UNK: variants seen among roughly 807,000 people sequenced by gnomAD.
The protein encoded by UNK is unk zinc finger, also known as RING finger protein unkempt homolog.
A neutral mutation model predicts 97.6 loss-of-function variants in UNK; 32 were observed. The observed-to-expected ratio is 0.33, with a 90% CI of 0.25 to 0.44. The LOEUF (loss-of-function observed/expected upper bound fraction) is 0.44, where lower values mean the gene tolerates loss of function less well. UNK is among the 20% of genes least tolerant of loss of function. The pLI is 1.00. For missense variants in UNK, 771 were observed against 1,098.4 expected, an observed-to-expected ratio of 0.70 and a Z score of 4.21; for synonymous variants, 441 against 461.2, an observed-to-expected ratio of 0.96 and a Z score of 0.56.
At chr17:75,789,782 C>T (rs774013506) in intron 1 of UNK, among the ~76,000 whole-genome samples, 4 of 152,152 alleles carry the variant, frequency 2.6e-5, no homozygotes, top group South Asian at 2.1e-4. Context: ...GCAATCACGT[C>T]TCAAAATGTA....
rs186391079 is a variant in UNK at position 75,800,308 on chromosome 17, C to T, written c.105-9452C>T. On this transcript the variant is annotated intron_variant, in intron 1 of 15. Coordinates refer to ENST00000589666, the MANE Select transcript of UNK (RefSeq NM_001080419.3). ...CTGGTCTCCAATTCCTGAGCTCAAG[C>T]GATCCACCCGCCTTGGCCTCTCAGA... is the stretch of plus-strand genomic sequence containing the variant. Among the ~76,000 whole-genome samples, 272 of 152,090 alleles carry T rather than the reference C, an allele frequency of 1.8e-3. 1 individual carries two copies. The highest frequency in any genetic ancestry group is 3.3e-3 in the Admixed American group (50 of 15,284).
chr17:75,787,649 C>A (rs994212707), intron 1 of UNK, among the ~76,000 whole-genome samples: 1 of 151,820 alleles, frequency 6.6e-6, no homozygotes, highest in Non-Finnish European at 1.5e-5. Context: ...AACATGGAAA[C>A]CCCGTCTCTA....
chr17:75,808,151 G>A (rs535705786), intron 1 of UNK, among the ~76,000 whole-genome samples: 7 of 152,284 alleles, frequency 4.6e-5, no homozygotes, highest in African/African-American at 1.7e-4. Flanking sequence ...GGAAGAGGAT[G>A]TACCTCCCAG....
chr17:75,812,609 G>A lies in UNK; in HGVS notation c.622+24G>A, dbSNP rs367767177. The A allele has an allele frequency of 3.5e-5, 57 of 1,607,652 alleles. No individual in the cohort carries two copies. The African/African-American group carries it at 3.9e-4, about 11-fold the overall frequency. On this transcript the variant is annotated intron_variant, in intron 4 of 15. Transcript: ENST00000589666. Reference sequence around the variant, plus strand: ...AGGTACAGGCATCCACACCTCGGCCGCGCCCTCCCTATAATCCTGCTCATA... The same window carrying A: ...AGGTACAGGCATCCACACCTCGGCCACGCCCTCCCTATAATCCTGCTCATA...
chr17:75,796,896 TCTTAAA>T lies in UNK; in HGVS notation c.104+11919_104+11924del, dbSNP rs202157335. On this transcript the variant is annotated intron_variant, in intron 1 of 15. Transcript: ENST00000589666. ...TCTTTGAGGGTAAAACATACTTTAT[TCTTAAA>T]CTTAAAGAACCTTTGATAAGCCGTG... is the stretch of plus-strand genomic sequence containing the variant. 4.7e-3 allele frequency among the ~76,000 whole-genome samples: 722 copies of T among 152,338 alleles called. 5 individuals are homozygous for T. Among genetic ancestry groups the T allele is most frequent in the African/African-American group, 0.016 (664 of 41,570 alleles).
intron 1 of UNK, among the ~76,000 whole-genome samples, chr17:75,806,773 A>G (rs2061922427): frequency 6.6e-6 from 1 of 152,180 alleles, no homozygotes; most frequent in Non-Finnish European, 1.5e-5. Flanking sequence ...ACTCCGTCTC[A>G]AAAAAATAAT....
Position 75,820,869 on chromosome 17 carries a change from G to A in UNK, c.1837+761G>A, listed in dbSNP as rs116795047. ...AGCATTTTGCTCGGGCCCAGGGAAT[G>A]AGCCCTTCAGAGTTCTGATTGGGTT... On this transcript the variant is annotated intron_variant, in intron 13 of 15. Transcript: ENST00000589666. 2.0e-5 allele frequency among the ~76,000 whole-genome samples: 3 copies of A among 152,134 alleles called. No homozygotes were observed. The East Asian group carries it at 5.8e-4, about 29-fold the overall frequency.
Position 75,817,664 on chromosome 17 carries a change from G to T in UNK, c.1305+138G>T. The T allele has an allele frequency of 1.0e-6, 1 of 963,072 alleles. No homozygotes were observed. Among genetic ancestry groups the T allele is most frequent in the Non-Finnish European group, 1.5e-6 (1 of 663,570 alleles). 59.7% of individuals were successfully genotyped at this position (963,072 alleles called of 1,614,324 possible). On this transcript the variant is annotated intron_variant, in intron 9 of 15. Coordinates refer to ENST00000589666, the MANE Select transcript of UNK (RefSeq NM_001080419.3). This position sits in a 1 kb window ranked among gnomAD's most constrained non-coding sequence, Gnocchi z 5.8. ...CACTGTCCTCGGCCTCTTCAGGACT[G>T]AACAGAGGGAGCAGTGTCAGCCCAT...
chr17:75,812,819 T>C (rs559472666), intron 4 of UNK, among the ~76,000 whole-genome samples: 21 of 152,360 alleles, frequency 1.4e-4, no homozygotes, highest in African/African-American at 4.6e-4. Flanking sequence ...TAAGCGCACA[T>C]GCAAATGTTT....
chr17:75,822,663 C>A lies in UNK; in HGVS notation c.2019+5C>A, dbSNP rs2143832769. Reference sequence around the variant, plus strand: ...TCCTGGAAGCAGGCCAAGCAGGTACCAGGCCCCGTGCCTGCCGGCCTTCCC... The same window carrying A: ...TCCTGGAAGCAGGCCAAGCAGGTACAAGGCCCCGTGCCTGCCGGCCTTCCC... On this transcript the variant is annotated splice_donor_5th_base_variant and intron_variant, in intron 14 of 15. Coordinates refer to ENST00000589666, the MANE Select transcript of UNK (RefSeq NM_001080419.3). 6.3e-7 allele frequency: 1 copy of A among 1,595,032 alleles called. No homozygotes were observed. The highest frequency in any genetic ancestry group is 2.3e-5 in the East Asian group (1 of 43,856).
intron 2 of UNK, among the ~76,000 whole-genome samples, chr17:75,811,396 C>G (rs752667905): frequency 3.3e-5 from 5 of 152,206 alleles, no homozygotes; most frequent in Admixed American, 6.5e-5. Context: ...GAGCTACTGG[C>G]CCAGCCTAGC....
intron 1 of UNK, among the ~76,000 whole-genome samples, chr17:75,798,066 CTTT>C (rs776246418): frequency 3.9e-5 from 5 of 129,130 alleles, no homozygotes; most frequent in Non-Finnish European, 5.0e-5. Flanking sequence ...GACCACAGCT[CTTT>C]TTTTTTTTTT....
rs887888546 is a variant in UNK at position 75,819,624 on chromosome 17, G to A, written c.1547-60G>A. 6 of 1,509,434 alleles carry A rather than the reference G, an allele frequency of 4.0e-6. No individual in the cohort carries two copies. Among genetic ancestry groups the A allele is most frequent in the African/African-American group, 1.4e-5 (1 of 72,774 alleles). The allele number at this position is 1,509,434 out of a possible 1,614,324, so 93.5% of individuals were successfully genotyped here. ...TGAAGATGCAGCGTGGGCAGTAGAC[G>A]AGGTGGTCAGGGTCAGATAGTCCCT... On this transcript the variant is annotated intron_variant, in intron 11 of 15. Coordinates refer to ENST00000589666, the MANE Select transcript of UNK (RefSeq NM_001080419.3). This position sits in a 1 kb window ranked among gnomAD's most constrained non-coding sequence, Gnocchi z 5.4.
chr17:75,817,413 G>C lies in UNK; in HGVS notation c.1192G>C (p.Gly398Arg). 6.2e-7 allele frequency: 1 copy of C among 1,612,956 alleles called. No homozygotes were observed. Among genetic ancestry groups the C allele is most frequent in the Non-Finnish European group, 8.5e-7 (1 of 1,179,378 alleles). The change falls in exon 9 of 16, where the codon GGC (glycine) becomes CGC (arginine). Residue 398 changes from glycine (G) to arginine (R), a missense_variant. This residue lies in a region of UNK where 192 missense variants were observed against 202.4 expected (regional missense o/e 0.95). Transcript: ENST00000589666. The surrounding 1 kb of genome is among the most constrained non-coding windows in gnomAD (Gnocchi z 5.8). The part of the protein sequence containing the change: ...GSIRKPPNLE[G>R]IVFPGESGLA... ...CATCAGGAAGCCCCCAAACCTGGAGGGCATCGTCTTCCCTGGGGAGTCTGG... is the reference window on the plus strand; with the variant it reads ...CATCAGGAAGCCCCCAAACCTGGAGCGCATCGTCTTCCCTGGGGAGTCTGG...
intron 1 of UNK, chr17:75,785,219 G>A (rs533305938): frequency 1.6e-5 from 8 of 497,558 alleles, no homozygotes; most frequent in Non-Finnish European, 2.5e-5. Context: ...TGGGGAAGGC[G>A]GGAGCTCGGG....
At chr17:75,823,941 G>A (rs564755676) in intron 15 of UNK, among the ~76,000 whole-genome samples, 4 of 152,282 alleles carry the variant, frequency 2.6e-5, no homozygotes, top group Middle Eastern at 3.4e-3. Flanking sequence ...CTCTGTTCTC[G>A]GGCAGCCAAG....
intron 14 of UNK, 47 bp from the exon 15 acceptor site, chr17:75,823,218 G>A: frequency 2.0e-6 from 3 of 1,530,560 alleles, no homozygotes; most frequent in Non-Finnish European, 2.6e-6. Flanking sequence ...TCTGGGGACA[G>A]GGGCAGGGCA....
chr17:75,815,311 T>G, intron 7 of UNK, 58 bp downstream of exon 7: 9 of 1,505,742 alleles, frequency 6.0e-6, no homozygotes, highest in Non-Finnish European at 8.2e-6. Context: ...CTCGCCTGGC[T>G]AGCTCAGGCT....
At chr17:75,810,345 CT>C (rs1189700881) in intron 2 of UNK, among the ~76,000 whole-genome samples, 1 of 152,150 alleles carries the variant, frequency 6.6e-6, no homozygotes, top group Non-Finnish European at 1.5e-5. Context: ...AAATATCTTA[CT>C]GCAAATCTCT....
Sources: allele counts gnomAD v4.1 joint callset (sites outside exome capture counted in the v4.1 genomes callset), GRCh38; gene constraint gnomAD v4.1.1; regional missense constraint gnomAD v4.1.1; non-coding constraint Gnocchi (gnomAD v3.1); transcripts MANE v1.5; gene names NCBI Gene and HGNC (gene_info 2026-07-23, HGNC 2026-07-21).